CHIC2: variants seen among roughly 807,000 people sequenced by gnomAD.
The protein encoded by CHIC2 is cysteine-rich hydrophobic domain-containing protein 2.
A neutral mutation model predicts 25.9 loss-of-function variants in CHIC2; 14 were observed. The observed-to-expected ratio is 0.54, with a 90% CI of 0.36 to 0.85. CHIC2 has a LOEUF of 0.85. Among genes scored for constraint, CHIC2 ranks in the 40% least tolerant of loss-of-function variants. The pLI, the probability that CHIC2 is intolerant of heterozygous loss-of-function variation, is 0.01. For missense variants in CHIC2, 146 were observed against 202.0 expected, an observed-to-expected ratio of 0.72 and a Z score of 1.68; for synonymous variants, 70 against 72.0, an observed-to-expected ratio of 0.97 and a Z score of 0.14.
the CHIC2 span, among the ~76,000 whole-genome samples, chr4:54,083,349 T>G: frequency 6.6e-6 from 1 of 152,278 alleles, no homozygotes; most frequent in East Asian, 1.9e-4. Flanking sequence ...AGATCCATAT[T>G]TCCAACTGCT....
In CHIC2 at chr4:54,014,109, G is replaced by A. The variant is rs760037229; in HGVS notation, c.341C>T (p.Ser114Leu). ...TTCCCATTCTAATAACTTCTCAATC[G>A]ATCTTCGTGTCTGGAAGACAAATGA... is the stretch of plus-strand genomic sequence containing the variant. Reference protein sequence around the residue: ...VICLSKRTRRSIEKLLEWENN... With the variant: ...VICLSKRTRRLIEKLLEWENN... Residue 114 changes from serine to leucine, a missense_variant, in exon 4 of 6, where the codon TCG (serine) becomes TTG (leucine). Physicochemically the swap from Ser to Leu is moderately radical, Grantham distance 145. Transcript: ENST00000263921. 2.5e-6 allele frequency: 4 copies of A among 1,613,110 alleles called. No homozygotes were observed. Among genetic ancestry groups the A allele is most frequent in the Non-Finnish European group, 2.5e-6 (3 of 1,179,458 alleles).
chr4:54,022,992 C>T (rs944283740), intron 3 of CHIC2, among the ~76,000 whole-genome samples: 2 of 152,108 alleles, frequency 1.3e-5, no homozygotes, highest in East Asian at 3.9e-4. Flanking sequence ...TGGTGCCAAA[C>T]CCATATACTC....
chr4:54,061,854 T>C (rs1321785465), intron 1 of CHIC2, among the ~76,000 whole-genome samples: 1 of 152,190 alleles, frequency 6.6e-6, no homozygotes, highest in African/African-American at 2.4e-5. Flanking sequence ...TTTAAGCACA[T>C]ACACATTGCT....
Position 54,009,848 on chromosome 4 carries a change from C to G in CHIC2, c.*247G>C. On this transcript the variant is annotated 3_prime_UTR_variant, in exon 6 of 6. Transcript: ENST00000263921. Reference sequence around the variant, plus strand: ...ATACAAAAAAGTAATCCTTGAAAATCAGAATACATAACAGAAAAGAGCACA... The same window carrying G: ...ATACAAAAAAGTAATCCTTGAAAATGAGAATACATAACAGAAAAGAGCACA... 3.0e-6 allele frequency: 1 copy of G among 328,612 alleles called. No individual in the cohort carries two copies. Among genetic ancestry groups the G allele is most frequent in the Non-Finnish European group, 5.6e-6 (1 of 177,168 alleles). 20.4% of individuals were successfully genotyped at this position (328,612 alleles called of 1,614,324 possible).
intron 3 of CHIC2, among the ~76,000 whole-genome samples, chr4:54,046,238 T>C (rs1716779977): frequency 6.6e-6 from 1 of 152,156 alleles, no homozygotes; most frequent in African/African-American, 2.4e-5. Flanking sequence ...CGGTAATTTA[T>C]AGATTCAATG....
chr4:54,046,316 G>C (rs2110082805), intron 3 of CHIC2, among the ~76,000 whole-genome samples: 1 of 152,002 alleles, frequency 6.6e-6, no homozygotes, highest in Middle Eastern at 3.4e-3. Flanking sequence ...AGCTCATATG[G>C]AACCAAAAAA....
intron 5 of CHIC2, 138 bp from the exon 6 acceptor site, chr4:54,010,283 T>C: frequency 3.3e-6 from 2 of 602,394 alleles, no homozygotes; most frequent in East Asian, 2.9e-5. Context: ...AACAGATCTT[T>C]ATCTGATAAT....
At chr4:54,053,393 C>T (rs921442922) in intron 1 of CHIC2, among the ~76,000 whole-genome samples, 2 of 152,004 alleles carry the variant, frequency 1.3e-5, no homozygotes, top group African/African-American at 4.8e-5. Flanking sequence ...CCCATCACTA[C>T]TAAAAATGCA....
At chr4:54,033,259 T>C (rs1255696112) in intron 3 of CHIC2, among the ~76,000 whole-genome samples, 1 of 152,198 alleles carries the variant, frequency 6.6e-6, no homozygotes, top group East Asian at 1.9e-4. Flanking sequence ...TATGTAATGT[T>C]ATCATTATGG....
rs185704183 is a variant in CHIC2 at position 54,011,201 on chromosome 4, G to A, written c.448-1056C>T. On this transcript the variant is annotated intron_variant, in intron 5 of 5. Transcript: ENST00000263921. Reference sequence around the variant, plus strand: ...ATACTTCTACAAATTAGCTGTCTGGGCCAGGAATCTTCATTTTCACTCTTC... The same window carrying A: ...ATACTTCTACAAATTAGCTGTCTGGACCAGGAATCTTCATTTTCACTCTTC... 5.3e-4 allele frequency among the ~76,000 whole-genome samples: 81 copies of A among 152,136 alleles called. 1 individual carries two copies. The highest frequency in any genetic ancestry group is 3.4e-3 in the Middle Eastern group (1 of 294).
chr4:54,031,641 C>CA (rs1457369747), intron 3 of CHIC2, among the ~76,000 whole-genome samples: 3 of 107,134 alleles, frequency 2.8e-5, no homozygotes, highest in Non-Finnish European at 5.1e-5. Flanking sequence ...TTTTGTGAGA[C>CA]AGAGTCTCAC....
upstream of CHIC2, among the ~76,000 whole-genome samples, chr4:54,068,447 G>A (rs965382008): frequency 1.3e-5 from 2 of 152,132 alleles, no homozygotes; most frequent in Non-Finnish European, 2.9e-5. Context: ...AGAAACCAAA[G>A]CTACCAGCCG....
chr4:54,059,524 G>A (rs926287255), intron 1 of CHIC2: 3 of 151,104 alleles, frequency 2.0e-5, no homozygotes, highest in Non-Finnish European at 4.4e-5. Flanking sequence ...TTAGGTGACA[G>A]GGAAAGATTC....
chr4:54,076,175 G>A, the CHIC2 span, among the ~76,000 whole-genome samples: 1 of 151,950 alleles, frequency 6.6e-6, no homozygotes, highest in Admixed American at 6.6e-5. Flanking sequence ...TGTAGTCCCA[G>A]TTATTTGGGG....
At chr4:54,061,059 A>G (rs187285754) in intron 1 of CHIC2, 46 of 152,308 alleles carry the variant, frequency 3.0e-4, no homozygotes, top group Admixed American at 1.2e-3. Context: ...TCAGAAAAGA[A>G]TACTGATCAT....
chr4:54,010,167 G>C (rs1715541483), intron 5 of CHIC2, 22 bp from the exon 6 acceptor site: 1 of 1,565,776 alleles, frequency 6.4e-7, no homozygotes, highest in Admixed American at 1.8e-5. Context: ...GAAGAAAAAG[G>C]TTTTAAAAGA....
the CHIC2 span, among the ~76,000 whole-genome samples, chr4:54,078,367 C>T: frequency 6.6e-6 from 1 of 152,156 alleles, no homozygotes; most frequent in African/African-American, 2.4e-5. Context: ...AACAGTTCCA[C>T]AATCTTTTCT....
At chr4:54,046,982 G>T (rs1430860861) in intron 3 of CHIC2, among the ~76,000 whole-genome samples, 1 of 152,060 alleles carries the variant, frequency 6.6e-6, no homozygotes, top group African/African-American at 2.4e-5. Context: ...TCAAAAAGTG[G>T]GCAAAGGATA....
chr4:54,031,537 TAATAAC>T (rs1388867430), intron 3 of CHIC2, among the ~76,000 whole-genome samples: 1 of 150,258 alleles, frequency 6.7e-6, no homozygotes, highest in Non-Finnish European at 1.5e-5. Context: ...ACTAAAATGA[TAATAAC>T]AGTAACTACA....
Sources: gnomAD v4.1 joint callset for allele counts (sites outside exome capture counted in the v4.1 genomes callset) on GRCh38, gnomAD v4.1.1 for gene constraint, MANE v1.5 for transcripts, NCBI Gene and HGNC (gene_info 2026-07-23, HGNC 2026-07-21) for gene names.